The following CAST variants were observed in gnomAD, a reference collection of about 807,000 sequenced individuals.
CAST encodes the protein MIR583 host.
CAST carries 76 observed loss-of-function variants against 119.6 expected under a neutral mutation model. That is an observed-to-expected ratio of 0.64 (90% CI 0.53 to 0.77). The LOEUF (loss-of-function observed/expected upper bound fraction) is 0.77, where lower values mean the gene tolerates loss of function less well. Ranked by LOEUF, CAST falls within the 30% of genes least tolerant of loss-of-function variation. The pLI, the probability that CAST is intolerant of heterozygous loss-of-function variation, is 0.00. For synonymous variants in CAST, 319 were observed against 331.6 expected (o/e 0.96, Z 0.41); for missense variants, 953 against 946.5 (o/e 1.01, Z -0.09).
intron 3 of CAST, among the ~76,000 whole-genome samples, chr5:96,698,846 A>T (rs1753587590): frequency 6.6e-6 from 1 of 152,224 alleles, no homozygotes; most frequent in South Asian, 2.1e-4. Context: ...AATAAGTGAT[A>T]ATTTTACAAT....
intron 1 of CAST, among the ~76,000 whole-genome samples, chr5:96,595,569 A>G (rs1489571756): frequency 1.3e-5 from 2 of 152,178 alleles, no homozygotes; most frequent in African/African-American, 4.8e-5. Context: ...CTCATAACCA[A>G]TGCCAAGGGT....
chr5:96,618,780 T>G (rs888958939), intron 1 of CAST, among the ~76,000 whole-genome samples: 1 of 152,280 alleles, frequency 6.6e-6, no homozygotes, highest in Non-Finnish European at 1.5e-5. Context: ...CAGTCCACCA[T>G]GCCCGAGCCT....
the CAST span, among the ~76,000 whole-genome samples, chr5:96,503,328 G>A: frequency 3.9e-5 from 6 of 152,074 alleles, no homozygotes; most frequent in African/African-American, 1.4e-4. Flanking sequence ...ATTCTCCTAT[G>A]TAAGGTGAAG....
chr5:96,729,924 G>A (rs1261478909), intron 8 of CAST, among the ~76,000 whole-genome samples, 199 bp downstream of exon 8: 2 of 152,172 alleles, frequency 1.3e-5, no homozygotes. Flanking sequence ...GCTTGAGAAG[G>A]GCATCAGATT....
At chr5:96,183,579 AT>A in the CAST span, among the ~76,000 whole-genome samples, 4 of 151,506 alleles carry the variant, frequency 2.6e-5, no homozygotes, top group Non-Finnish European at 2.9e-5. Context: ...ATTATCTTTG[AT>A]TTTTTTTTCC....
upstream of CAST, among the ~76,000 whole-genome samples, chr5:96,661,636 C>G (rs967630687): frequency 1.3e-5 from 2 of 152,122 alleles, no homozygotes; most frequent in Non-Finnish European, 2.9e-5. Flanking sequence ...TCACTTCCAG[C>G]CCCAAACCAG....
chr5:96,767,480 A>G lies in CAST; in HGVS notation c.2173A>G (p.Lys725Glu), dbSNP rs1241154281. ...KPPTKKSEDSKKPADDQDPID... is the reference protein window; with the variant it reads ...KPPTKKSEDSEKPADDQDPID... ...ACCTACAAAGAAATCAGAGGATTCA[A>G]AGGTAAAGACCATAGGAACATATTT... is the stretch of plus-strand genomic sequence containing the variant. Residue 725 changes from lysine (K) to glutamate (E), a missense_variant and splice_region_variant, in exon 28 of 32, where the codon AAG becomes GAG. Coordinates refer to ENST00000675179, the MANE Select transcript of CAST (RefSeq NM_001750.7). 1.2e-6 allele frequency: 2 copies of G among 1,611,932 alleles called. No individual in the cohort carries two copies. Among genetic ancestry groups the G allele is most frequent in the Non-Finnish European group, 1.7e-6 (2 of 1,178,262 alleles).
At chr5:96,406,205 C>T in the CAST span, among the ~76,000 whole-genome samples, 1 of 152,122 alleles carries the variant, frequency 6.6e-6, no homozygotes, top group Non-Finnish European at 1.5e-5. Context: ...GACTGAACCC[C>T]ACAAGTAAAT....
At chr5:96,486,122 A>G in the CAST span, among the ~76,000 whole-genome samples, 1 of 152,134 alleles carries the variant, frequency 6.6e-6, no homozygotes, top group Admixed American at 6.6e-5. Context: ...AACCCACCCT[A>G]ATAATAGACA....
At chr5:96,464,742 A>G in the CAST span, among the ~76,000 whole-genome samples, 2 of 152,108 alleles carry the variant, frequency 1.3e-5, no homozygotes, top group African/African-American at 2.4e-5. Context: ...ATAAGCATAA[A>G]TGTATAACCT....
the CAST span, among the ~76,000 whole-genome samples, chr5:95,995,151 G>T: frequency 6.8e-6 from 1 of 146,834 alleles, no homozygotes; most frequent in Non-Finnish European, 1.5e-5. Context: ...GCATGGCTGA[G>T]CTCCATGGAG....
chr5:96,086,582 T>C, the CAST span, among the ~76,000 whole-genome samples: 1 of 152,144 alleles, frequency 6.6e-6, no homozygotes, highest in East Asian at 1.9e-4. Flanking sequence ...AAAAATCTAT[T>C]TAAATAATTG....
At chr5:96,187,693 A>G in the CAST span, among the ~76,000 whole-genome samples, 1 of 152,226 alleles carries the variant, frequency 6.6e-6, no homozygotes, top group Admixed American at 6.5e-5. Flanking sequence ...TTATCTTTGT[A>G]TTTCCCCTAG....
At chr5:96,239,945 A>G in the CAST span, among the ~76,000 whole-genome samples, 2 of 152,020 alleles carry the variant, frequency 1.3e-5, no homozygotes, top group African/African-American at 4.8e-5. Flanking sequence ...TTACCCAGGC[A>G]CACTTATATC....
At chr5:96,127,039 T>C in the CAST span, among the ~76,000 whole-genome samples, 67 of 152,234 alleles carry the variant, frequency 4.4e-4, no homozygotes, top group Non-Finnish European at 6.9e-4. Context: ...CAAATCTTCG[T>C]TGGCAATGGT....
At chr5:96,005,323 GA>G in the CAST span, among the ~76,000 whole-genome samples, 1 of 152,108 alleles carries the variant, frequency 6.6e-6, no homozygotes, top group African/African-American at 2.4e-5. Flanking sequence ...CAAGAGAATG[GA>G]CACTCTGGAA....
the CAST span, among the ~76,000 whole-genome samples, chr5:96,181,261 C>T: frequency 1.3e-5 from 2 of 152,254 alleles, no homozygotes; most frequent in South Asian, 2.1e-4. Flanking sequence ...TAGAAAAGTA[C>T]AAAATTTATA....
chr5:96,108,016 C>CCTGA, the CAST span, among the ~76,000 whole-genome samples: 1 of 151,772 alleles, frequency 6.6e-6, no homozygotes, highest in Non-Finnish European at 1.5e-5. Context: ...TTGATCGCAT[C>CCTGA]GGCTCCTGAG....
At chr5:96,538,522 G>A (rs1023227468) in intron 1 of CAST, among the ~76,000 whole-genome samples, 1 of 152,150 alleles carries the variant, frequency 6.6e-6, no homozygotes, top group East Asian at 1.9e-4. Flanking sequence ...TTACCTAAAA[G>A]CATTTGAAGA....
Sources: allele counts gnomAD v4.1 joint callset (sites outside exome capture counted in the v4.1 genomes callset), GRCh38; gene constraint gnomAD v4.1.1; transcripts MANE v1.5; gene names NCBI Gene and HGNC (gene_info 2026-07-23, HGNC 2026-07-21).